The following AGPAT5 variants were observed in gnomAD, a reference collection of about 807,000 sequenced individuals.
The protein encoded by AGPAT5 is 1-acylglycerol-3-phosphate O-acyltransferase 5, also known as 1-acyl-sn-glycerol-3-phosphate acyltransferase epsilon.
A neutral mutation model predicts 45.6 loss-of-function variants in AGPAT5; 46 were observed. The ratio of observed to expected loss-of-function variants is 1.01; its 90% CI spans 0.80 to 1.29. The LOEUF (loss-of-function observed/expected upper bound fraction) is 1.29. AGPAT5 is among the 50% of genes most tolerant of loss of function. The probability of loss-of-function intolerance (pLI) is 0.00; values close to 1 mark genes in which losing one functional copy is unlikely to be tolerated. For synonymous variants in AGPAT5, 272 were observed against 167.0 expected (o/e 1.63, Z -4.85); for missense variants, 673 against 450.7 (o/e 1.49, Z -4.47).
At chr8:6,751,064 C>T (rs187143956) in intron 6 of AGPAT5, among the ~76,000 whole-genome samples, 3 of 151,944 alleles carry the variant, frequency 2.0e-5, no homozygotes, top group African/African-American at 7.3e-5. Flanking sequence ...GTCACTGGCT[C>T]AGCCCTGCTT....
chr8:6,716,174 G>A (rs867503418), intron 1 of AGPAT5, among the ~76,000 whole-genome samples: 1 of 152,146 alleles, frequency 6.6e-6, no homozygotes. Context: ...ATATTTTAAT[G>A]TATGGATCAT....
At chr8:6,713,635 A>G (rs575523396) in intron 1 of AGPAT5, among the ~76,000 whole-genome samples, 1 of 152,044 alleles carries the variant, frequency 6.6e-6, no homozygotes, top group Non-Finnish European at 1.5e-5. Context: ...ACTCACTGCA[A>G]CCTCTGCCCC....
intron 5 of AGPAT5, chr8:6,746,281 G>C (rs1009048073): frequency 1.7e-4 from 26 of 152,164 alleles, no homozygotes; most frequent in African/African-American, 6.3e-4. Context: ...CTTCCTCTTG[G>C]CCATTCCCCT....
intron 1 of AGPAT5, among the ~76,000 whole-genome samples, chr8:6,721,960 A>G (rs1163347361): frequency 6.6e-6 from 1 of 152,040 alleles, no homozygotes. Context: ...CCTGAGTAGC[A>G]GGGACTATAG....
chr8:6,712,573 T>G (rs1474687525), intron 1 of AGPAT5, among the ~76,000 whole-genome samples: 1 of 152,150 alleles, frequency 6.6e-6, no homozygotes. Context: ...ATATATATCC[T>G]TGAGCTGGAG....
intron 7 of AGPAT5, among the ~76,000 whole-genome samples, 195 bp downstream of exon 7, chr8:6,755,369 G>A (rs144075068): frequency 2.0e-5 from 3 of 152,326 alleles, no homozygotes; most frequent in East Asian, 3.9e-4. Flanking sequence ...TTGTTACAGT[G>A]GGCCCATCTA....
chr8:6,753,138 A>G (rs1040997426), intron 6 of AGPAT5, among the ~76,000 whole-genome samples: 5 of 152,234 alleles, frequency 3.3e-5, no homozygotes, highest in Non-Finnish European at 5.9e-5. Context: ...CGTTTTAGGA[A>G]AAACAAAAGG....
At chr8:6,729,548 G>C (rs997449461) in intron 2 of AGPAT5, among the ~76,000 whole-genome samples, 3 of 152,108 alleles carry the variant, frequency 2.0e-5, no homozygotes, top group Non-Finnish European at 2.9e-5. Flanking sequence ...TCAGGAGATA[G>C]TTTGTAGCCA....
chr8:6,749,663 A>G (rs1801592043), intron 6 of AGPAT5, among the ~76,000 whole-genome samples: 1 of 152,216 alleles, frequency 6.6e-6, no homozygotes, highest in Non-Finnish European at 1.5e-5. Context: ...TTTCTCTTTT[A>G]AACTATCGAA....
chr8:6,722,157 T>C (rs1166931246), intron 1 of AGPAT5, among the ~76,000 whole-genome samples: 5 of 152,222 alleles, frequency 3.3e-5, no homozygotes, highest in African/African-American at 1.2e-4. Flanking sequence ...TTTGCCAGTT[T>C]CTGGTCTCCT....
intron 1 of AGPAT5, among the ~76,000 whole-genome samples, chr8:6,718,239 T>C (rs1348861272): frequency 4.6e-5 from 7 of 152,160 alleles, no homozygotes; most frequent in Admixed American, 3.9e-4. Flanking sequence ...TTTGTGGCCT[T>C]CTTGGGTGGC....
chr8:6,743,041 G>A (rs1306144148), intron 5 of AGPAT5, among the ~76,000 whole-genome samples: 1 of 152,140 alleles, frequency 6.6e-6, no homozygotes, highest in Non-Finnish European at 1.5e-5. Flanking sequence ...ACTTTTTCCA[G>A]TACTCACTCT....
At chr8:6,755,251 T>C (rs909123914) in intron 7 of AGPAT5, 77 bp downstream of exon 7, 1 of 1,409,986 alleles carries the variant, frequency 7.1e-7, no homozygotes, top group South Asian at 1.3e-5. Flanking sequence ...TTGAAACCAA[T>C]GTAAATGGTT....
chr8:6,717,961 A>G (rs979648907), intron 1 of AGPAT5, among the ~76,000 whole-genome samples: 3 of 152,192 alleles, frequency 2.0e-5, no homozygotes, highest in Non-Finnish European at 2.9e-5. Context: ...CCTAGGTGTA[A>G]TTCCTATTTC....
chr8:6,717,633 A>G (rs143575040), intron 1 of AGPAT5, among the ~76,000 whole-genome samples: 45 of 152,348 alleles, frequency 3.0e-4, no homozygotes, highest in Non-Finnish European at 5.4e-4. Flanking sequence ...GTCCAAATGA[A>G]TACTTAACTG....
At chr8:6,747,305 A>G (rs1801507475) in intron 5 of AGPAT5, among the ~76,000 whole-genome samples, 1 of 152,226 alleles carries the variant, frequency 6.6e-6, no homozygotes, top group Non-Finnish European at 1.5e-5. Context: ...CTGTATTTCT[A>G]GGAAATCTTG....
intron 6 of AGPAT5, among the ~76,000 whole-genome samples, chr8:6,751,796 G>A (rs930160016): frequency 6.6e-6 from 1 of 152,128 alleles, no homozygotes; most frequent in African/African-American, 2.4e-5. Flanking sequence ...TTCTATTTGA[G>A]TATTGTGTAT....
intron 1 of AGPAT5, among the ~76,000 whole-genome samples, chr8:6,713,575 A>C (rs1800224936): frequency 6.6e-6 from 1 of 152,128 alleles, no homozygotes; most frequent in Non-Finnish European, 1.5e-5. Flanking sequence ...TTTTTGTAAG[A>C]CAGAATCTCA....
intron 1 of AGPAT5, among the ~76,000 whole-genome samples, chr8:6,716,375 A>G (rs928831357): frequency 2.0e-5 from 3 of 152,118 alleles, no homozygotes; most frequent in African/African-American, 7.2e-5. Flanking sequence ...TCTGGCCAAC[A>G]TTGTGAAACC....
Sources: gnomAD v4.1 joint callset for allele counts (sites outside exome capture counted in the v4.1 genomes callset) on GRCh38, gnomAD v4.1.1 for gene constraint, MANE v1.5 for transcripts, NCBI Gene and HGNC (gene_info 2026-07-23, HGNC 2026-07-21) for gene names.